KLF12: variants seen among roughly 807,000 people sequenced by gnomAD.
The protein encoded by KLF12 is KLF transcription factor 12.
KLF12 carries 9 observed loss-of-function variants against 37.8 expected under a neutral mutation model. That is an observed-to-expected ratio of 0.24 (90% confidence interval 0.14 to 0.42). The LOEUF (loss-of-function observed/expected upper bound fraction) is 0.42, where lower values mean the gene tolerates loss of function less well. Among genes scored for constraint, KLF12 ranks in the 10% least tolerant of loss-of-function variants. The pLI, the probability that KLF12 is intolerant of heterozygous loss-of-function variation, is 1.00. For missense variants in KLF12, 411 were observed against 516.0 expected, an observed-to-expected ratio of 0.80 and a Z score of 1.97; for synonymous variants, 208 against 202.1, an observed-to-expected ratio of 1.03 and a Z score of -0.25.
chr13:73,806,649 C>CAA lies in KLF12; in HGVS notation c.806+6501_806+6502dup, dbSNP rs11482328. Among the ~76,000 whole-genome samples the CAA allele has an allele frequency of 8.0e-4, 87 of 108,308 alleles. No homozygotes were observed. In the South Asian group the frequency reaches 0.012, roughly 15 times the overall value. 71.1% of individuals were successfully genotyped at this position (108,308 alleles called of 152,430 possible). A position where few individuals can be genotyped will look rare whatever the true frequency, so the allele number is the denominator to read the frequency against. On this transcript the variant is annotated intron_variant, in intron 5 of 7. Transcript: ENST00000377669. ...GAATATGAACTTGCAAAAAAACAAACAAAAAAAAAAAAAAAGAAAGAAAAG... is the reference window on the plus strand; with the variant it reads ...GAATATGAACTTGCAAAAAAACAAACAAAAAAAAAAAAAAAAAGAAAGAAAAG...
chr13:73,800,118 A>G (rs1000245272), intron 5 of KLF12: 2 of 152,082 alleles, frequency 1.3e-5, no homozygotes, highest in Admixed American at 1.3e-4. Context: ...ATTTGAGTTT[A>G]TAGACTGAAT....
At chr13:73,742,586 T>C (rs2137900958) in intron 6 of KLF12, among the ~76,000 whole-genome samples, 1 of 152,318 alleles carries the variant, frequency 6.6e-6, no homozygotes, top group African/African-American at 2.4e-5. Flanking sequence ...CCTTCCGCCC[T>C]GGCCCCTCCC....
At chr13:74,192,638 T>A in the KLF12 span, among the ~76,000 whole-genome samples, 2 of 152,202 alleles carry the variant, frequency 1.3e-5, no homozygotes, top group Non-Finnish European at 2.9e-5. Flanking sequence ...GACACACATA[T>A]TTTGTAAAAT....
chr13:73,981,397 G>A (rs751471062), intron 2 of KLF12, among the ~76,000 whole-genome samples: 1 of 152,052 alleles, frequency 6.6e-6, no homozygotes, highest in African/African-American at 2.4e-5. Context: ...ATAAATTATG[G>A]TGTAGTCATA....
intron 1 of KLF12, among the ~76,000 whole-genome samples, chr13:74,114,157 T>C (rs914169047): frequency 2.6e-5 from 4 of 152,162 alleles, no homozygotes; most frequent in African/African-American, 9.7e-5. Flanking sequence ...CTGGTGAAGA[T>C]GCTGTGAACA....
upstream of KLF12, among the ~76,000 whole-genome samples, chr13:74,136,073 A>G (rs2139051959): frequency 6.6e-6 from 1 of 152,330 alleles, no homozygotes; most frequent in Non-Finnish European, 1.5e-5. Flanking sequence ...TTAGGAAGGC[A>G]GCAGGATTCA....
At chr13:73,936,687 T>C (rs907633701) in intron 3 of KLF12, among the ~76,000 whole-genome samples, 1 of 152,140 alleles carries the variant, frequency 6.6e-6, no homozygotes, top group Admixed American at 6.5e-5. Flanking sequence ...CCTCCCTGCT[T>C]TGCCGCCCGG....
At chr13:73,972,808 G>A (rs1043503713) in intron 2 of KLF12, among the ~76,000 whole-genome samples, 19 of 151,004 alleles carry the variant, frequency 1.3e-4, no homozygotes, top group Admixed American at 6.6e-5. Flanking sequence ...TTTTGCCCGT[G>A]TGAGAGCTGG....
chr13:73,910,974 C>G (rs1888542430), intron 3 of KLF12, among the ~76,000 whole-genome samples: 1 of 152,126 alleles, frequency 6.6e-6, no homozygotes, highest in Admixed American at 6.5e-5. Flanking sequence ...CAGAAAGTCC[C>G]CACCAGCAAG....
chr13:73,947,445 G>GT (rs768278626), intron 2 of KLF12, among the ~76,000 whole-genome samples: 4 of 152,096 alleles, frequency 2.6e-5, no homozygotes, highest in East Asian at 1.9e-4. Flanking sequence ...GAGCTCAGGA[G>GT]TTTGAGACCA....
intron 3 of KLF12, among the ~76,000 whole-genome samples, chr13:73,887,850 A>G (rs993955036): frequency 6.6e-6 from 1 of 152,230 alleles, no homozygotes; most frequent in Non-Finnish European, 1.5e-5. Flanking sequence ...ATGATTTCTG[A>G]AAACAGCTCT....
chr13:74,006,696 T>G (rs1386837084), intron 1 of KLF12, among the ~76,000 whole-genome samples: 1 of 152,204 alleles, frequency 6.6e-6, no homozygotes, highest in African/African-American at 2.4e-5. Flanking sequence ...TCAGAAGTCA[T>G]CAGCAACCAG....
chr13:74,218,423 T>A, the KLF12 span, among the ~76,000 whole-genome samples: 3 of 152,142 alleles, frequency 2.0e-5, no homozygotes, highest in East Asian at 5.8e-4. Flanking sequence ...CAAAGGTAGA[T>A]CCTTCAAAGA....
intron 1 of KLF12, among the ~76,000 whole-genome samples, chr13:74,127,921 T>A (rs539624083): frequency 6.6e-6 from 1 of 152,232 alleles, no homozygotes; most frequent in Non-Finnish European, 1.5e-5. Flanking sequence ...CTTGAAATTA[T>A]AGTATATCAC....
intron 3 of KLF12, among the ~76,000 whole-genome samples, chr13:73,921,056 CAG>C (rs1165812655): frequency 2.0e-5 from 3 of 152,150 alleles, no homozygotes; most frequent in African/African-American, 7.2e-5. Flanking sequence ...ACCCATAACT[CAG>C]ACTTTGTCCC....
At chr13:73,885,264 G>A (rs1887169380) in intron 3 of KLF12, among the ~76,000 whole-genome samples, 1 of 152,036 alleles carries the variant, frequency 6.6e-6, no homozygotes, top group Admixed American at 6.6e-5. Flanking sequence ...TGTCATTTTT[G>A]CATCAACACC....
At chr13:73,879,075 G>GCCCA (rs1886855416) in intron 3 of KLF12, among the ~76,000 whole-genome samples, 1 of 152,116 alleles carries the variant, frequency 6.6e-6, no homozygotes, top group Non-Finnish European at 1.5e-5. Context: ...ACTTTCCACA[G>GCCCA]CCCACAAGAA....
chr13:73,861,755 TAC>T (rs917694027), intron 3 of KLF12, among the ~76,000 whole-genome samples: 1 of 152,186 alleles, frequency 6.6e-6, no homozygotes, highest in Non-Finnish European at 1.5e-5. Flanking sequence ...TAAATATATC[TAC>T]AGAGTCCAAA....
chr13:73,825,212 C>T (rs930315723), intron 4 of KLF12, among the ~76,000 whole-genome samples: 6 of 152,146 alleles, frequency 3.9e-5, no homozygotes, highest in African/African-American at 9.7e-5. Context: ...GAGGTTTCCA[C>T]GAACTAGAAT....
Sources: allele counts gnomAD v4.1 joint callset (sites outside exome capture counted in the v4.1 genomes callset), GRCh38; gene constraint gnomAD v4.1.1; transcripts MANE v1.5; gene names NCBI Gene and HGNC (gene_info 2026-07-23, HGNC 2026-07-21).